CNTN4: variants seen among roughly 807,000 people sequenced by gnomAD.
CNTN4 encodes the protein contactin 4.
Under a neutral mutation model 122.5 loss-of-function variants are expected in CNTN4, and 77 were observed. That is an observed-to-expected ratio of 0.63 (90% confidence interval 0.52 to 0.76). The LOEUF is 0.76. Among genes scored for constraint, CNTN4 ranks in the 30% least tolerant of loss-of-function variants. CNTN4 has a pLI of 0.00. For missense variants in CNTN4, 1,256 were observed against 1,259.1 expected (o/e 1.00, Z 0.04); for synonymous variants, 512 against 447.0 (o/e 1.15, Z -1.83).
chr3:2,561,499 A>G (rs1289309673), intron 3 of CNTN4, among the ~76,000 whole-genome samples: 1 of 151,844 alleles, frequency 6.6e-6, no homozygotes, highest in South Asian at 2.1e-4. Context: ...GGGGTCATGG[A>G]TTTCCCCCTT....
Position 2,887,035 on chromosome 3 carries a change from A to C in CNTN4, c.756-5A>C, listed in dbSNP as rs184171731. 57 of 1,613,168 alleles carry C rather than the reference A, an allele frequency of 3.5e-5. No individual in the cohort carries two copies. The East Asian group carries it at 1.2e-3, about 33-fold the overall frequency. Reference sequence around the variant, plus strand: ...TGATTCACTCCTTTTTATTCTTGCTATCAGTCCAGTACCAACTATTATCTG... The same window carrying C: ...TGATTCACTCCTTTTTATTCTTGCTCTCAGTCCAGTACCAACTATTATCTG... On this transcript the variant is annotated splice_polypyrimidine_tract_variant and splice_region_variant and intron_variant, in intron 9 of 24. Coordinates refer to ENST00000418658, the MANE Select transcript of CNTN4 (RefSeq NM_175607.3).
At chr3:2,658,025 G>A (rs935367255) in intron 4 of CNTN4, among the ~76,000 whole-genome samples, 4 of 147,352 alleles carry the variant, frequency 2.7e-5, no homozygotes, top group African/African-American at 1.0e-4. Context: ...AAATAGCTAT[G>A]TTTTATGAAT....
chr3:2,937,240 G>T (rs960038295), intron 13 of CNTN4, among the ~76,000 whole-genome samples: 2 of 152,152 alleles, frequency 1.3e-5, no homozygotes, highest in African/African-American at 4.8e-5. Context: ...AGTGAATTTG[G>T]TGGGAGGTCC....
At chr3:2,768,896 T>C (rs2090971106) in intron 6 of CNTN4, among the ~76,000 whole-genome samples, 1 of 152,158 alleles carries the variant, frequency 6.6e-6, no homozygotes, top group South Asian at 2.1e-4. Context: ...AAATAGGAAG[T>C]GACTTCCTCA....
chr3:2,159,041 G>A (rs757508816), intron 2 of CNTN4, among the ~76,000 whole-genome samples: 2 of 151,978 alleles, frequency 1.3e-5, no homozygotes, highest in Non-Finnish European at 2.9e-5. Context: ...GAGAGGCAGC[G>A]AGTGGGAGAA....
intron 2 of CNTN4, among the ~76,000 whole-genome samples, chr3:2,256,751 CA>C (rs1182790222): frequency 6.6e-6 from 1 of 152,136 alleles, no homozygotes; most frequent in Non-Finnish European, 1.5e-5. Flanking sequence ...AGGACCTCTT[CA>C]AGGAGAACTA....
chr3:2,162,081 A>G (rs11129006), intron 2 of CNTN4, among the ~76,000 whole-genome samples: 1 of 152,118 alleles, frequency 6.6e-6, no homozygotes, highest in South Asian at 2.1e-4. Context: ...CAATGAGAAT[A>G]CAGATTTCAA....
chr3:2,422,297 G>T (rs1469504090), intron 3 of CNTN4, among the ~76,000 whole-genome samples: 1 of 152,144 alleles, frequency 6.6e-6, no homozygotes, highest in Non-Finnish European at 1.5e-5. Flanking sequence ...CATTTCCATG[G>T]TAGAAACACA....
intron 2 of CNTN4, among the ~76,000 whole-genome samples, chr3:2,234,302 C>T (rs960155017): frequency 1.1e-4 from 15 of 138,082 alleles, no homozygotes; most frequent in Admixed American, 6.6e-4. Context: ...CACTTGAACC[C>T]AGGAGGAGGA....
chr3:2,599,476 T>G (rs1243155329), intron 4 of CNTN4, among the ~76,000 whole-genome samples: 2 of 152,190 alleles, frequency 1.3e-5, no homozygotes, highest in East Asian at 3.9e-4. Context: ...TCTTTTTGTT[T>G]GCTTAAACTA....
chr3:2,461,340 TATTA>T (rs1406301156), intron 3 of CNTN4, among the ~76,000 whole-genome samples: 16 of 152,028 alleles, frequency 1.1e-4, no homozygotes, highest in South Asian at 2.1e-4. Flanking sequence ...AATTATTAAT[TATTA>T]ATTAATTAGT....
In CNTN4 at chr3:2,202,949, G is replaced by A. The variant is rs528663911; in HGVS notation, c.-145+102310G>A. ...AGATTCTCCTGGCTTAGCCTCCCAA[G>A]TAGCTGGGAGTACAGGTGCATGCCA... is the stretch of plus-strand genomic sequence containing the variant. On this transcript the variant is annotated intron_variant, in intron 2 of 24. Coordinates refer to ENST00000418658, the MANE Select transcript of CNTN4 (RefSeq NM_175607.3). 4.6e-5 allele frequency among the ~76,000 whole-genome samples: 7 copies of A among 151,570 alleles called. No homozygotes were observed. In the South Asian group the frequency reaches 1.3e-3, roughly 27 times the overall value.
intron 3 of CNTN4, among the ~76,000 whole-genome samples, chr3:2,513,124 A>G (rs1248677919): frequency 2.0e-5 from 3 of 152,190 alleles, no homozygotes; most frequent in African/African-American, 7.2e-5. Context: ...GTCCTTGCCA[A>G]GTAATCAGTT....
At chr3:2,774,211 A>G (rs2091221819) in intron 6 of CNTN4, among the ~76,000 whole-genome samples, 2 of 152,118 alleles carry the variant, frequency 1.3e-5, no homozygotes, top group Non-Finnish European at 2.9e-5. Flanking sequence ...CAGTGAGCCA[A>G]GATTGCACCA....
chr3:2,382,083 T>G (rs1338780697), intron 3 of CNTN4, among the ~76,000 whole-genome samples: 1 of 152,158 alleles, frequency 6.6e-6, no homozygotes, highest in Non-Finnish European at 1.5e-5. Flanking sequence ...GAGATATGTT[T>G]AAAGTGGACC....
At position 2,785,900 on chromosome 3, in the gene CNTN4, C is replaced by CT. The variant is rs1261055764; in HGVS notation, c.359-33586_359-33585insT. On this transcript the variant is annotated intron_variant, in intron 6 of 24. Transcript: ENST00000418658. ...GAACCACCCTGGCCCACGCTGCCCC[C>CT]CCCCGCCCCCCCATCCTGTACCCAT... Among the ~76,000 whole-genome samples, 8 of 127,840 alleles carry CT rather than the reference C, an allele frequency of 6.3e-5. 2 individuals are homozygous for CT. Among genetic ancestry groups the CT allele is most frequent in the East Asian group, 2.9e-4 (1 of 3,408 alleles). The allele number at this position is 127,840 out of a possible 152,430, so 83.9% of individuals were successfully genotyped here. A position where few individuals can be genotyped will look rare whatever the true frequency, so the allele number is the denominator to read the frequency against.
chr3:2,193,126 C>T (rs2037664844), intron 2 of CNTN4, among the ~76,000 whole-genome samples: 1 of 152,150 alleles, frequency 6.6e-6, no homozygotes, highest in South Asian at 2.1e-4. Flanking sequence ...TCTCCTGCAA[C>T]ACAAGTTTGT....
chr3:2,533,279 C>CT (rs1180883479), intron 3 of CNTN4, among the ~76,000 whole-genome samples: 6 of 151,936 alleles, frequency 3.9e-5, no homozygotes, highest in African/African-American at 7.2e-5. Context: ...TGCTTTCCCT[C>CT]CCCCTCCCTC....
chr3:2,658,151 G>A (rs1022422245), intron 4 of CNTN4, among the ~76,000 whole-genome samples: 1 of 151,442 alleles, frequency 6.6e-6, no homozygotes, highest in South Asian at 2.1e-4. Flanking sequence ...CCTGTGCCCT[G>A]GGGTGGACCC....
Sources: allele counts gnomAD v4.1 joint callset (sites outside exome capture counted in the v4.1 genomes callset), GRCh38; gene constraint gnomAD v4.1.1; transcripts MANE v1.5; gene names NCBI Gene and HGNC (gene_info 2026-07-23, HGNC 2026-07-21).